The following PCF11 variants were observed in gnomAD, a reference collection of about 807,000 sequenced individuals.
PCF11 encodes pre-mRNA cleavage complex 2 protein Pcf11.
In PCF11, 19 loss-of-function variants were observed where a neutral mutation model predicts 166.1. The ratio of observed to expected loss-of-function variants is 0.11; its 90% CI spans 0.08 to 0.17. The LOEUF is 0.17. Among genes scored for constraint, PCF11 ranks in the 10% least tolerant of loss-of-function variants. PCF11 has a pLI of 1.00. For missense variants in PCF11, 1,565 were observed against 1,855.5 expected, an observed-to-expected ratio of 0.84 and a Z score of 2.88; for synonymous variants, 663 against 644.1, an observed-to-expected ratio of 1.03 and a Z score of -0.44.
chr11:83,166,442 A>G, exon 5 of PCF11: 1 of 1,614,006 alleles, frequency 6.2e-7, no homozygotes, highest in Non-Finnish European at 8.5e-7. Context: ...CAACATCGAC[A>G]CCTAAAGCTG....
chr11:83,169,189 G>T, exon 8 of PCF11: 2 of 1,613,444 alleles, frequency 1.2e-6, no homozygotes, highest in Non-Finnish European at 1.7e-6. Context: ...ACAGCAAGGG[G>T]TTGGAATGAG....
intron 12 of PCF11, 71 bp from the exon 13 acceptor site, chr11:83,181,783 T>A (rs1861095488): frequency 9.4e-7 from 1 of 1,062,686 alleles, no homozygotes; most frequent in Non-Finnish European, 1.3e-6. Context: ...TTAAATGGCA[T>A]TATATTGAAG....
exon 8 of PCF11, chr11:83,169,313 T>A: frequency 1.2e-6 from 2 of 1,611,926 alleles, no homozygotes; most frequent in Non-Finnish European, 1.7e-6. Flanking sequence ...GGGGTTGGTA[T>A]CAGGTTTGAA....
chr11:83,161,994 A>ATT (rs1198752435), intron 2 of PCF11, among the ~76,000 whole-genome samples: 2 of 152,166 alleles, frequency 1.3e-5, no homozygotes. Context: ...GGACCAGTTA[A>ATT]TTGCTGTTGG....
In PCF11 at chr11:83,181,210, T is replaced by C. The variant is rs1277590698; in HGVS notation, c.4167+19T>C. ...TTTAACAGTAAGTAACCCATGTGCC[T>C]CCATAGTATCTTTTAGGCTTAAATT... On this transcript the variant is annotated intron_variant, in intron 12 of 15. Coordinates refer to ENST00000298281, the Ensembl canonical transcript of PCF11. 2 of 1,399,994 alleles carry C rather than the reference T, an allele frequency of 1.4e-6. No individual in the cohort carries two copies. The highest frequency in any genetic ancestry group is 2.8e-5 in the African/African-American group (2 of 71,370). 86.7% of individuals were successfully genotyped at this position (1,399,994 alleles called of 1,614,324 possible).
In PCF11 at chr11:83,167,608, A is replaced by G; in HGVS notation, c.2092+103A>G. On this transcript the variant is annotated intron_variant, in intron 7 of 15. Coordinates refer to ENST00000298281, the Ensembl canonical transcript of PCF11. This position sits in a 1 kb window ranked among gnomAD's most constrained non-coding sequence, Gnocchi z 4.2. ...GATGCTGAATTAACCTACTATGAAC[A>G]TAAAGCAAAACTGAAAAGGACACAG... 2 of 1,541,300 alleles carry G rather than the reference A, an allele frequency of 1.3e-6. No homozygotes were observed. The highest frequency in any genetic ancestry group is 1.2e-5 in the South Asian group (1 of 83,424).
exon 13 of PCF11, chr11:83,181,996 C>T: frequency 6.2e-7 from 1 of 1,608,046 alleles, no homozygotes; most frequent in Non-Finnish European, 8.5e-7. Flanking sequence ...GCTGGACCAG[C>T]TGGAGCAGTT....
At chr11:83,175,061 T>A (rs1184667306) in intron 9 of PCF11, among the ~76,000 whole-genome samples, 1 of 152,206 alleles carries the variant, frequency 6.6e-6, no homozygotes, top group Non-Finnish European at 1.5e-5. Context: ...TTAAGAGGAA[T>A]TTTTAGTGGT....
intron 15 of PCF11, among the ~76,000 whole-genome samples, chr11:83,183,350 C>A (rs933669785): frequency 6.6e-6 from 1 of 152,142 alleles, no homozygotes; most frequent in Non-Finnish European, 1.5e-5. Flanking sequence ...GTATCTTTTA[C>A]TAGTCCACTA....
exon 5 of PCF11, chr11:83,166,507 C>CTTCTAGGGAAGA: frequency 6.2e-7 from 1 of 1,613,822 alleles, no homozygotes; most frequent in Non-Finnish European, 8.5e-7. Flanking sequence ...TTTACACCAC[C>CTTCTAGGGAAGA]TTCTAGGGAA....
At chr11:83,181,531 T>A (rs555400578) in intron 12 of PCF11, among the ~76,000 whole-genome samples, 3,235 of 149,214 alleles carry the variant, frequency 0.022, 109 homozygotes, top group African/African-American at 0.076. Flanking sequence ...TTTTTTTTTT[T>A]AATTAAGATT....
At chr11:83,169,256 A>G in exon 8 of PCF11, 1 of 1,613,322 alleles carries the variant, frequency 6.2e-7, no homozygotes, top group Non-Finnish European at 8.5e-7. Flanking sequence ...GGACAACATA[A>G]TCAACTTGGT....
At chr11:83,181,814 A>T in intron 12 of PCF11, 40 bp from the exon 13 acceptor site, 1 of 1,461,486 alleles carries the variant, frequency 6.8e-7, no homozygotes. Flanking sequence ...AAAATTTAGA[A>T]ATAAATGGAA....
intron 1 of PCF11, 23 bp from the exon 2 acceptor site, chr11:83,161,304 C>T: frequency 6.4e-7 from 1 of 1,573,192 alleles, no homozygotes. Flanking sequence ...TTATACTAAA[C>T]TTCTCAGTTT....
intron 11 of PCF11, among the ~76,000 whole-genome samples, chr11:83,179,934 G>C (rs917678802): frequency 2.0e-5 from 3 of 151,778 alleles, no homozygotes; most frequent in African/African-American, 4.8e-5. Context: ...AAAAACGGGC[G>C]GGGGGTGGAT....
In PCF11 at chr11:83,183,028, T is replaced by C; in HGVS notation, c.4417-10T>C. ...TACGCACATATTTACTTTTTTTCTT[T>C]TTGCTTCAGATTTATCATCCATCAT... On this transcript the variant is annotated splice_polypyrimidine_tract_variant and intron_variant, in intron 14 of 15. Coordinates refer to ENST00000298281, the Ensembl canonical transcript of PCF11. 7.1e-7 allele frequency: 1 copy of C among 1,410,398 alleles called. No individual in the cohort carries two copies. Among genetic ancestry groups the C allele is most frequent in the Non-Finnish European group, 9.9e-7 (1 of 1,015,154 alleles). 87.4% of individuals were successfully genotyped at this position (1,410,398 alleles called of 1,614,324 possible). A position where few individuals can be genotyped will look rare whatever the true frequency, so the allele number is the denominator to read the frequency against.
At chr11:83,181,797 C>A in intron 12 of PCF11, 57 bp from the exon 13 acceptor site, 1 of 1,060,892 alleles carries the variant, frequency 9.4e-7, no homozygotes, top group Non-Finnish European at 1.3e-6. Flanking sequence ...ATTGAAGATA[C>A]ACAGTAAAAA....
At chr11:83,179,197 G>C (rs570118049) in intron 11 of PCF11, among the ~76,000 whole-genome samples, 54 of 151,558 alleles carry the variant, frequency 3.6e-4, no homozygotes, top group Non-Finnish European at 5.7e-4. Flanking sequence ...GTACCCTAGA[G>C]GCAATCATTT....
At chr11:83,176,627 A>G (rs1021668190) in intron 9 of PCF11, among the ~76,000 whole-genome samples, 1 of 151,572 alleles carries the variant, frequency 6.6e-6, no homozygotes, top group African/African-American at 2.4e-5. Flanking sequence ...GTAGGTAGGA[A>G]TTGAACAATG....
Sources: gnomAD v4.1 joint callset for allele counts (sites outside exome capture counted in the v4.1 genomes callset) on GRCh38, gnomAD v4.1.1 for gene constraint, Gnocchi (gnomAD v3.1) non-coding constraint, MANE v1.5 for transcripts, NCBI Gene and HGNC (gene_info 2026-07-23, HGNC 2026-07-21) for gene names.